Variants in STXBP5L observed in about 807,000 individuals in gnomAD.
STXBP5L encodes syntaxin binding protein 5L.
STXBP5L carries 65 observed loss-of-function variants against 144.5 expected under a neutral mutation model. The ratio of observed to expected loss-of-function variants is 0.45; its 90% confidence interval spans 0.37 to 0.55. The LOEUF (loss-of-function observed/expected upper bound fraction) is 0.55. STXBP5L is among the 20% of genes least tolerant of loss of function. The probability of loss-of-function intolerance (pLI) is 0.00; values close to 1 mark genes in which losing one functional copy is unlikely to be tolerated. For missense variants in STXBP5L, 1,298 were observed against 1,405.5 expected, an observed-to-expected ratio of 0.92 and a Z score of 1.22; for synonymous variants, 505 against 469.6, an observed-to-expected ratio of 1.08 and a Z score of -0.97.
intron 2 of STXBP5L, among the ~76,000 whole-genome samples, chr3:120,939,298 C>G (rs763244315): frequency 6.6e-6 from 1 of 152,130 alleles, no homozygotes; most frequent in African/African-American, 2.4e-5. Flanking sequence ...AGCAAGAGGA[C>G]AGCTGTCATT....
intron 20 of STXBP5L, 74 bp from the exon 21 acceptor site, chr3:121,378,642 A>T (rs909571730): frequency 1.4e-6 from 2 of 1,415,900 alleles, no homozygotes; most frequent in Admixed American, 4.5e-5. Context: ...TTCATTTGTT[A>T]ATCTACACGC....
chr3:121,005,716 G>T (rs1944234925), intron 3 of STXBP5L, among the ~76,000 whole-genome samples: 1 of 152,138 alleles, frequency 6.6e-6, no homozygotes, highest in African/African-American at 2.4e-5. Flanking sequence ...TCTACACACT[G>T]CTTTAAATGT....
At chr3:121,157,457 T>G (rs2108004134) in intron 8 of STXBP5L, 47 bp from the exon 9 acceptor site, 3 of 1,523,652 alleles carry the variant, frequency 2.0e-6, no homozygotes, top group Non-Finnish European at 2.6e-6. Context: ...TGATATAACC[T>G]ATCTACTTTT....
intron 18 of STXBP5L, 125 bp downstream of exon 18, chr3:121,259,293 A>G: frequency 3.0e-6 from 2 of 657,356 alleles, no homozygotes; most frequent in Middle Eastern, 4.9e-4. Context: ...AGATTAAACA[A>G]TATATAAGAA....
intron 9 of STXBP5L, among the ~76,000 whole-genome samples, chr3:121,187,408 G>C (rs1407361077): frequency 1.4e-5 from 2 of 143,188 alleles, no homozygotes; most frequent in African/African-American, 5.1e-5. Context: ...TTGTAGGGTG[G>C]GGGGAGCGGG....
chr3:121,082,483 G>A (rs2042296736), intron 5 of STXBP5L, among the ~76,000 whole-genome samples: 1 of 152,194 alleles, frequency 6.6e-6, no homozygotes, highest in Non-Finnish European at 1.5e-5. Context: ...GTTTCAGGCA[G>A]AGGCAGCTTT....
intron 20 of STXBP5L, among the ~76,000 whole-genome samples, chr3:121,346,780 C>T (rs2045007857): frequency 6.6e-6 from 1 of 152,124 alleles, no homozygotes; most frequent in Non-Finnish European, 1.5e-5. Context: ...ATATCCTTTG[C>T]CCACTTTTTG....
At chr3:120,979,215 C>T (rs527821297) in intron 3 of STXBP5L, among the ~76,000 whole-genome samples, 157 of 152,302 alleles carry the variant, frequency 1.0e-3, no homozygotes, top group African/African-American at 3.2e-3. Context: ...TGGAGCTTCC[C>T]GGCTGCTTTG....
chr3:121,144,976 G>T (rs1427759027), intron 7 of STXBP5L, among the ~76,000 whole-genome samples: 1 of 151,876 alleles, frequency 6.6e-6, no homozygotes, highest in Non-Finnish European at 1.5e-5. Context: ...GAATCAAAGA[G>T]TGTAATGGTG....
intron 2 of STXBP5L, among the ~76,000 whole-genome samples, chr3:120,930,170 T>C (rs1474061558): frequency 6.6e-6 from 1 of 151,596 alleles, no homozygotes; most frequent in Admixed American, 6.6e-5. Flanking sequence ...TTTTCTTTTT[T>C]TTTTTTTTTA....
intron 2 of STXBP5L, among the ~76,000 whole-genome samples, chr3:120,944,717 AT>A (rs1324394858): frequency 6.6e-6 from 1 of 151,656 alleles, no homozygotes; most frequent in East Asian, 1.9e-4. Context: ...TTACTTTTTT[AT>A]TTTTTTGAAT....
At position 121,419,832 on chromosome 3, in the gene STXBP5L, G is replaced by A. The variant is rs886557988; in HGVS notation, c.*735G>A. 4 of 152,196 alleles carry A rather than the reference G, an allele frequency of 2.6e-5. No individual in the cohort carries two copies. Among genetic ancestry groups the A allele is most frequent in the African/African-American group, 9.7e-5 (4 of 41,444 alleles). The allele number at this position is 152,196 out of a possible 1,614,324, so 9.4% of individuals were successfully genotyped here. On this transcript the variant is annotated 3_prime_UTR_variant, in exon 27 of 27. Coordinates refer to ENST00000471454, the MANE Select transcript of STXBP5L (RefSeq NM_001308330.2). ...TTCATTTCTATCACCTTCAGAATGG[G>A]TTGCTGTTTTTAGCACAAACCATGC... is the stretch of plus-strand genomic sequence containing the variant.
At chr3:120,980,664 T>C (rs1177292083) in intron 3 of STXBP5L, among the ~76,000 whole-genome samples, 1 of 152,170 alleles carries the variant, frequency 6.6e-6, no homozygotes, top group Non-Finnish European at 1.5e-5. Flanking sequence ...ATTCTGCCAA[T>C]CTATATCTTT....
At chr3:121,211,857 G>A (rs2048583771) in intron 10 of STXBP5L, among the ~76,000 whole-genome samples, 1 of 152,020 alleles carries the variant, frequency 6.6e-6, no homozygotes, top group Admixed American at 6.6e-5. Flanking sequence ...TGGGATTACA[G>A]GAGTGAGCCA....
Position 121,198,553 on chromosome 3 carries a change from T to C in STXBP5L, c.878-7370T>C, listed in dbSNP as rs1041166359. ...TTTTGATGTTTTAGTCATGAAGTCTTTGCCCATGCCTATGTCCTGAATGGT... is the reference window on the plus strand; with the variant it reads ...TTTTGATGTTTTAGTCATGAAGTCTCTGCCCATGCCTATGTCCTGAATGGT... On this transcript the variant is annotated intron_variant, in intron 9 of 26. Transcript: ENST00000471454. Among the ~76,000 whole-genome samples, 5 of 152,248 alleles carry C rather than the reference T, an allele frequency of 3.3e-5. No homozygotes were observed. In the East Asian group the frequency reaches 9.6e-4, roughly 29 times the overall value.
At chr3:121,039,635 G>A (rs1947007032) in intron 3 of STXBP5L, among the ~76,000 whole-genome samples, 1 of 151,660 alleles carries the variant, frequency 6.6e-6, no homozygotes, top group African/African-American at 2.4e-5. Flanking sequence ...TGTTCATGAT[G>A]AATTATTTCA....
chr3:121,245,287 G>A (rs1166321239), intron 14 of STXBP5L, among the ~76,000 whole-genome samples: 1 of 148,410 alleles, frequency 6.7e-6, no homozygotes, highest in Non-Finnish European at 1.5e-5. Flanking sequence ...TGGTAAACAC[G>A]AAGAAAATGC....
At chr3:121,320,830 A>C (rs2043947582) in intron 20 of STXBP5L, among the ~76,000 whole-genome samples, 1 of 151,354 alleles carries the variant, frequency 6.6e-6, no homozygotes, top group Non-Finnish European at 1.5e-5. Context: ...CCTCCCAAGT[A>C]GCTGGGACTA....
intron 13 of STXBP5L, among the ~76,000 whole-genome samples, 156 bp from the exon 14 acceptor site, chr3:121,240,284 T>G (rs1229013774): frequency 6.6e-6 from 1 of 152,218 alleles, no homozygotes; most frequent in Admixed American, 6.5e-5. Context: ...GTTTGTTCAA[T>G]GAAAGAATTA....
Sources: gnomAD v4.1 joint callset for allele counts (sites outside exome capture counted in the v4.1 genomes callset) on GRCh38, gnomAD v4.1.1 for gene constraint, MANE v1.5 for transcripts, NCBI Gene and HGNC (gene_info 2026-07-23, HGNC 2026-07-21) for gene names.